TAP2: variants seen among roughly 807,000 people sequenced by gnomAD.
The protein encoded by TAP2 is antigen peptide transporter 2.
TAP2 carries 49 observed loss-of-function variants against 74.7 expected under a neutral mutation model. The observed-to-expected ratio is 0.66, with a 90% CI of 0.52 to 0.83. The LOEUF (loss-of-function observed/expected upper bound fraction) is 0.83, where lower values mean the gene tolerates loss of function less well. TAP2 is among the 40% of genes least tolerant of loss of function. The pLI is 0.00. For synonymous variants in TAP2, 306 were observed against 368.4 expected, an observed-to-expected ratio of 0.83 and a Z score of 1.94; for missense variants, 739 against 859.0, an observed-to-expected ratio of 0.86 and a Z score of 1.75.
In TAP2 at chr6:32,832,352, C is replaced by A. The variant is rs777042555; in HGVS notation, c.1253G>T (p.Ser418Ile). 7 of 1,613,040 alleles carry A rather than the reference C, an allele frequency of 4.3e-6. No homozygotes were observed. Among genetic ancestry groups the A allele is most frequent in the Non-Finnish European group, 5.9e-6 (7 of 1,180,042 alleles). The change falls in exon 7 of 12, where the codon AGC becomes ATC. Residue 418 changes from serine (S) to isoleucine (I), a missense_variant. Coordinates refer to ENST00000374897, the MANE Select transcript of TAP2 (RefSeq NM_001290043.2). The surrounding 1 kb of genome is among the most constrained non-coding windows in gnomAD (Gnocchi z 5.9). ...SLLSFMIYQE[S>I]VGSYVQTLVY... ...GCTCACCTGCACATAGCTCCCCACG[C>A]TCTCCTGGTAGATCATAAAGGAAAG...
Position 32,825,604 on chromosome 6 carries a change from C to G in TAP2, c.*3302G>C, listed in dbSNP as rs973377939. ...GGATTGCCTATGCAAGAGGAATTAG[C>G]AAACCTTGAGAAGGATTGAGAGTGA... On this transcript the variant is annotated 3_prime_UTR_variant, in exon 12 of 12. Coordinates refer to ENST00000374897, the MANE Select transcript of TAP2 (RefSeq NM_001290043.2). The G allele has an allele frequency of 6.6e-6, 1 of 152,196 alleles. No individual in the cohort carries two copies. Among genetic ancestry groups the G allele is most frequent in the African/African-American group, 2.4e-5 (1 of 41,456 alleles). 9.4% of individuals were successfully genotyped at this position (152,196 alleles called of 1,614,324 possible). A position where few individuals can be genotyped will look rare whatever the true frequency, so the allele number is the denominator to read the frequency against.
intron 3 of TAP2, among the ~76,000 whole-genome samples, chr6:32,837,208 G>C (rs1240405248): frequency 6.6e-6 from 1 of 152,202 alleles, no homozygotes; most frequent in Non-Finnish European, 1.5e-5. Context: ...TAGGAGGTAG[G>C]AGGCAGAAAG....
downstream of TAP2, among the ~76,000 whole-genome samples, chr6:32,822,914 A>G: frequency 8.4e-6 from 1 of 118,642 alleles, no homozygotes; most frequent in East Asian, 2.4e-4. Flanking sequence ...TTCTGTGTTC[A>G]TACTTTTTTT....
chr6:32,837,875 C>T lies in TAP2; in HGVS notation c.359G>A (p.Ser120Asn). 1 of 1,613,176 alleles carries T rather than the reference C, an allele frequency of 6.2e-7. No homozygotes were observed. Among genetic ancestry groups the T allele is most frequent in the Non-Finnish European group, 8.5e-7 (1 of 1,179,986 alleles). The change falls in exon 2 of 12, where the codon AGC becomes AAC. Residue 120 changes from serine (S) to asparagine (N), a missense_variant. Physicochemically the swap from Ser to Asn is conservative, Grantham distance 46. Coordinates refer to ENST00000374897, the MANE Select transcript of TAP2 (RefSeq NM_001290043.2). Reference sequence around the variant, plus strand: ...CTCCTTCTCCTGGGCTCCAGGAGGGCTCAGAACAGCCCACAGTGACCAGCT... The same window carrying T: ...CTCCTTCTCCTGGGCTCCAGGAGGGTTCAGAACAGCCCACAGTGACCAGCT... ...GLSWSLWAVLSPPGAQEKEQD... is the reference protein window; with the variant it reads ...GLSWSLWAVLNPPGAQEKEQD...
Position 32,832,420 on chromosome 6 carries a change from C to T in TAP2, c.1185G>A (p.Gly395=). Residue 395 remains glycine, a synonymous_variant, in exon 7 of 12, where the codon GGG becomes GGA. Coordinates refer to ENST00000374897, the MANE Select transcript of TAP2 (RefSeq NM_001290043.2). The surrounding 1 kb of genome is among the most constrained non-coding windows in gnomAD (Gnocchi z 5.9). The part of the protein sequence containing the change: ...LGVQMLMLSC[G]LQQMQDGELT... ...GCTCCCCATCCTGCATCTGCTGCAG[C>T]CCACAGCTCAGCATCAGCATCTGCA... 6.2e-7 allele frequency: 1 copy of T among 1,612,908 alleles called. No individual in the cohort carries two copies. The highest frequency in any genetic ancestry group is 1.3e-5 in the African/African-American group (1 of 75,042).
chr6:32,837,281 T>C (rs890760482), intron 3 of TAP2, among the ~76,000 whole-genome samples: 4 of 152,220 alleles, frequency 2.6e-5, no homozygotes, highest in African/African-American at 9.7e-5. Flanking sequence ...ATCTGAGACT[T>C]AAATTCCTTT....
At chr6:32,831,806 C>T (rs1360256309) in intron 7 of TAP2, among the ~76,000 whole-genome samples, 1 of 152,256 alleles carries the variant, frequency 6.6e-6, no homozygotes, top group Non-Finnish European at 1.5e-5. Flanking sequence ...GATGTATCAA[C>T]CAGTCACAAT....
At position 32,837,834 on chromosome 6, in the gene TAP2, T is replaced by G. The variant is rs376051965; in HGVS notation, c.400A>C (p.Asn134His). The G allele has an allele frequency of 1.2e-6, 2 of 1,613,690 alleles. No individual in the cohort carries two copies. The highest frequency in any genetic ancestry group is 1.6e-4 in the Middle Eastern group (1 of 6,084). The change falls in exon 2 of 12, where the codon AAC (asparagine) becomes CAC (histidine). Residue 134 changes from asparagine to histidine, a missense_variant. Physicochemically the swap from Asn to His is moderately conservative, Grantham distance 68. Coordinates refer to ENST00000374897, the MANE Select transcript of TAP2 (RefSeq NM_001290043.2). ...AQEKEQDQVN[N>H]KVLMWRLLKL... The stretch of plus-strand genomic sequence containing the variant: ...AGCAGCCTCCACATCAAGACTTTGT[T>G]GTTCACCTGGTCCTGCTCCTTCTCC...
downstream of TAP2, among the ~76,000 whole-genome samples, chr6:32,824,665 C>T (rs1233110481): frequency 6.6e-6 from 1 of 151,910 alleles, no homozygotes; most frequent in African/African-American, 2.4e-5. Flanking sequence ...TTTAATTTCC[C>T]CTTACTGATT....
rs113839858 is a variant in TAP2, at chr6:32,832,446, C to T, written c.1159G>A (p.Val387Met). The T allele has an allele frequency of 6.2e-7, 1 of 1,612,754 alleles. No homozygotes were observed. The highest frequency in any genetic ancestry group is 8.5e-7 in the Non-Finnish European group (1 of 1,179,884). ...LLVRRVLHLG[V>M]QMLMLSCGLQ... ...CCACAGCTCAGCATCAGCATCTGCA[C>T]CCCCAAGTGCAGCACCTGGAAGAGG... Residue 387 changes from valine (V) to methionine (M), a missense_variant, in exon 7 of 12, where the codon GTG (valine) becomes ATG (methionine). Transcript: ENST00000374897. This position sits in a 1 kb window ranked among gnomAD's most constrained non-coding sequence, Gnocchi z 5.9.
At position 32,829,183 on chromosome 6, in the gene TAP2, C is replaced by T. The variant is rs191975710; in HGVS notation, c.1933-149G>A. 1.4e-5 allele frequency: 20 copies of T among 1,469,856 alleles called. No homozygotes were observed. In the East Asian group the frequency reaches 5.0e-4, roughly 37 times the overall value. The allele number at this position is 1,469,856 out of a possible 1,614,324, so 91.1% of individuals were successfully genotyped here. ...GTAGATAAAGGCCTGGACTGCCCTT[C>T]TCTCCCGGCTGTACTGCCACAGCTG... On this transcript the variant is annotated intron_variant, in intron 11 of 11. Coordinates refer to ENST00000374897, the MANE Select transcript of TAP2 (RefSeq NM_001290043.2).
Position 32,828,795 on chromosome 6 carries a change from C to G in TAP2, c.*111G>C. The G allele has an allele frequency of 7.4e-7, 1 of 1,356,840 alleles. No individual in the cohort carries two copies. Among genetic ancestry groups the G allele is most frequent in the South Asian group, 1.5e-5 (1 of 67,078 alleles). 84.1% of individuals were successfully genotyped at this position (1,356,840 alleles called of 1,614,324 possible). ...CGCACAGCTCTAGGGAAACTCAAAG[C>G]AGGAACAGCTCTGGGTCCTGGAGAC... On this transcript the variant is annotated 3_prime_UTR_variant, in exon 12 of 12. Transcript: ENST00000374897.
chr6:32,836,339 C>T (rs140262727), intron 3 of TAP2, among the ~76,000 whole-genome samples: 1,600 of 152,262 alleles, frequency 0.011, 25 homozygotes, highest in African/African-American at 0.029. Flanking sequence ...CTACATGCTA[C>T]AGTAACACTT....
In TAP2 at chr6:32,838,271, G is replaced by T. The variant is rs765483792; in HGVS notation, c.-4-34C>A. On this transcript the variant is annotated intron_variant, in intron 1 of 11. Coordinates refer to ENST00000374897, the MANE Select transcript of TAP2 (RefSeq NM_001290043.2). Reference sequence around the variant, plus strand: ...GGATACGAGATGAGAAATCATGGGGGTGGAGTCCCAATCCTTGTCCCTGCC... The same window carrying T: ...GGATACGAGATGAGAAATCATGGGGTTGGAGTCCCAATCCTTGTCCCTGCC... 6 of 1,526,668 alleles carry T rather than the reference G, an allele frequency of 3.9e-6. No homozygotes were observed. In the South Asian group the frequency reaches 7.7e-5, roughly 20 times the overall value. 94.6% of individuals were successfully genotyped at this position (1,526,668 alleles called of 1,614,324 possible). A position where few individuals can be genotyped will look rare whatever the true frequency, so the allele number is the denominator to read the frequency against.
In TAP2 at chr6:32,837,590, GT is replaced by G; in HGVS notation, c.554del (p.Asp185AlafsTer65). The G allele has an allele frequency of 6.2e-7, 1 of 1,614,076 alleles. No individual in the cohort carries two copies. The highest frequency in any genetic ancestry group is 8.5e-7 in the Non-Finnish European group (1 of 1,180,010). On this transcript the variant is annotated frameshift_variant, in exon 3 of 12. Transcript: ENST00000374897. LOFTEE classifies it high-confidence loss of function. Reference sequence around the variant, plus strand: ...AGATGGCACTGGCAAAGGCATGGGGGTCAAAATCACCTCCCAGGATGTCAAT... The same window carrying G: ...AGATGGCACTGGCAAAGGCATGGGGGCAAAATCACCTCCCAGGATGTCAAT... ...RVIDILGGDF[D>X]PHAFASAIFF...
Position 32,830,640 on chromosome 6 carries a change from C to A in TAP2, c.1439G>T (p.Arg480Leu), listed in dbSNP as rs770778501. 1.9e-6 allele frequency: 3 copies of A among 1,612,972 alleles called. No homozygotes were observed. Among genetic ancestry groups the A allele is most frequent in the African/African-American group, 1.3e-5 (1 of 74,914 alleles). Reference protein sequence around the residue: ...FQDVSFAYPNRPDRPVLKGLT... With the variant: ...FQDVSFAYPNLPDRPVLKGLT... ...CACCTTGAGCACAGGCCTGTCAGGG[C>A]GATTGGGATATGCAAAGGAGACGTC... Residue 480 changes from arginine to leucine, a missense_variant, in exon 8 of 12, where the codon CGC becomes CTC. Physicochemically the swap from Arg to Leu is moderately radical, Grantham distance 102. Transcript: ENST00000374897.
intron 9 of TAP2, 38 bp downstream of exon 9, chr6:32,830,229 C>G: frequency 1.2e-6 from 2 of 1,612,910 alleles, no homozygotes; most frequent in Non-Finnish European, 8.5e-7. Context: ...TGTACATGCT[C>G]CCCTCTCCTG....
Position 32,828,762 on chromosome 6 carries a change from T to C in TAP2, c.*144A>G. 9.1e-7 allele frequency: 1 copy of C among 1,098,000 alleles called. No homozygotes were observed. The highest frequency in any genetic ancestry group is 2.3e-5 in the South Asian group (1 of 43,118). 68.0% of individuals were successfully genotyped at this position (1,098,000 alleles called of 1,614,324 possible). ...ATCGTGCCTGCAACTCAGGAACAGCTATCTGGCCGCACAGCTCTAGGGAAA... is the reference window on the plus strand; with the variant it reads ...ATCGTGCCTGCAACTCAGGAACAGCCATCTGGCCGCACAGCTCTAGGGAAA... On this transcript the variant is annotated 3_prime_UTR_variant, in exon 12 of 12. Coordinates refer to ENST00000374897, the MANE Select transcript of TAP2 (RefSeq NM_001290043.2).
At position 32,837,727 on chromosome 6, in the gene TAP2, C is replaced by T. The variant is rs1227685655; in HGVS notation, c.493+14G>A. The T allele has an allele frequency of 1.2e-6, 2 of 1,614,180 alleles. No individual in the cohort carries two copies. Among genetic ancestry groups the T allele is most frequent in the Non-Finnish European group, 8.5e-7 (1 of 1,180,040 alleles). On this transcript the variant is annotated intron_variant, in intron 2 of 11. Coordinates refer to ENST00000374897, the MANE Select transcript of TAP2 (RefSeq NM_001290043.2). ...TTTACCACCTCCAACTCACAACGTC[C>T]TCTCCTGACTCACCCAAAACAGCAA...
Sources: gnomAD v4.1 joint callset for allele counts (sites outside exome capture counted in the v4.1 genomes callset) on GRCh38, gnomAD v4.1.1 for gene constraint, Gnocchi (gnomAD v3.1) non-coding constraint, MANE v1.5 for transcripts, NCBI Gene and HGNC (gene_info 2026-07-23, HGNC 2026-07-21) for gene names.